MPRIP: variants seen among roughly 807,000 people sequenced by gnomAD.
The protein encoded by MPRIP is myosin phosphatase Rho interacting protein.
Under a neutral mutation model 234.9 loss-of-function variants are expected in MPRIP, and 59 were observed. That is an observed-to-expected ratio of 0.25 (90% CI 0.20 to 0.31). The LOEUF is 0.31. Ranked by LOEUF, MPRIP falls within the 10% of genes least tolerant of loss-of-function variation. The pLI is 1.00. For missense variants in MPRIP, 2,436 were observed against 3,071.0 expected (o/e 0.79, Z 4.89); for synonymous variants, 1,144 against 1,263.9 (o/e 0.91, Z 2.01).
chr17:17,183,293 G>T (rs1427578413), intron 23 of MPRIP: 1 of 152,286 alleles, frequency 6.6e-6, no homozygotes, highest in Non-Finnish European at 1.5e-5. Flanking sequence ...TCTGCTCACT[G>T]CAAGCTCCGC....
intron 16 of MPRIP, chr17:17,170,271 T>C (rs1252635949): frequency 6.7e-6 from 1 of 148,564 alleles, no homozygotes; most frequent in East Asian, 2.0e-4. Context: ...CAGAAGCGAG[T>C]GGGAGGAAGA....
intron 2 of MPRIP, 24 bp downstream of exon 2, chr17:17,075,811 CAG>C: frequency 6.2e-7 from 1 of 1,611,372 alleles, no homozygotes; most frequent in Non-Finnish European, 8.5e-7. Flanking sequence ...AGCCAACTCT[CAG>C]GGAGGAACCA....
intron 8 of MPRIP, among the ~76,000 whole-genome samples, 168 bp downstream of exon 8, chr17:17,142,933 A>G (rs1246174270): frequency 6.6e-6 from 1 of 152,184 alleles, no homozygotes; most frequent in East Asian, 1.9e-4. Flanking sequence ...TGTCTCCTGC[A>G]GCTTCATATC....
intron 3 of MPRIP, among the ~76,000 whole-genome samples, chr17:17,120,677 C>T (rs2090371993): frequency 6.7e-6 from 1 of 149,952 alleles, no homozygotes; most frequent in African/African-American, 2.5e-5. Context: ...CGATGGCCTA[C>T]AGAGGGCCGT....
intron 3 of MPRIP, among the ~76,000 whole-genome samples, chr17:17,099,799 T>G (rs913373784): frequency 6.6e-6 from 1 of 152,174 alleles, no homozygotes; most frequent in Admixed American, 6.5e-5. Context: ...AGAGGAGTGG[T>G]CATATGCAAG....
At position 17,166,708 on chromosome 17, in the gene MPRIP, G is replaced by T; in HGVS notation, c.5117G>T (p.Cys1706Phe). 1 of 1,304,118 alleles carries T rather than the reference G, an allele frequency of 7.7e-7. No homozygotes were observed. Among genetic ancestry groups the T allele is most frequent in the African/African-American group, 1.5e-5 (1 of 65,974 alleles). 80.8% of individuals were successfully genotyped at this position (1,304,118 alleles called of 1,614,324 possible). ...CAGACGGCCCTGCGGCAGCACAAAT[G>T]CCTGCTGAGGGAAATCCTGGGAGCC... ...GTQTALRQHKCLLREILGAYQ... is the reference protein window; with the variant it reads ...GTQTALRQHKFLLREILGAYQ... The change falls in exon 16 of 24, where the codon TGC (cysteine) becomes TTC (phenylalanine). Residue 1706 changes from cysteine (C) to phenylalanine (F), a missense_variant. Transcript: ENST00000651222. This position sits in a 1 kb window ranked among gnomAD's most constrained non-coding sequence, Gnocchi z 4.4.
intron 13 of MPRIP, among the ~76,000 whole-genome samples, chr17:17,156,385 T>G (rs1324281153): frequency 1.3e-5 from 2 of 152,262 alleles, no homozygotes; most frequent in Admixed American, 6.5e-5. Context: ...ATCTGCATAG[T>G]CTGGTAGAGT....
chr17:17,175,560 GA>G, intron 20 of MPRIP, 148 bp downstream of exon 20: 1 of 1,149,008 alleles, frequency 8.7e-7, no homozygotes. Flanking sequence ...CAAATCACCC[GA>G]AGGCGGCGAG....
At chr17:17,064,201 G>GT (rs752475475) in intron 1 of MPRIP, among the ~76,000 whole-genome samples, 2,092 of 144,124 alleles carry the variant, frequency 0.015, 67 homozygotes, top group African/African-American at 0.049. Context: ...GGTTTTTTTT[G>GT]TTTTGTTTTT....
intron 3 of MPRIP, among the ~76,000 whole-genome samples, chr17:17,098,255 G>T (rs1427876136): frequency 6.6e-6 from 1 of 152,170 alleles, no homozygotes; most frequent in African/African-American, 2.4e-5. Flanking sequence ...ACCTGCGCCT[G>T]CCCACTCCAC....
chr17:17,097,488 G>A (rs2144191859), intron 3 of MPRIP, among the ~76,000 whole-genome samples: 2 of 152,160 alleles, frequency 1.3e-5, no homozygotes, highest in African/African-American at 4.8e-5. Context: ...GGGAGACCCT[G>A]TCTCTTAAAA....
chr17:17,180,809 G>T, intron 23 of MPRIP: 1 of 885,092 alleles, frequency 1.1e-6, no homozygotes. Flanking sequence ...ACCTGCTCTG[G>T]GGAGTTAATT....
Position 17,176,406 on chromosome 17 carries a change from T to C in MPRIP, c.6871-20T>C, listed in dbSNP as rs373096714. On this transcript the variant is annotated intron_variant, in intron 20 of 23. Transcript: ENST00000651222. ...TTCTTTGCTCCTGAATATTGGTCCC[T>C]GATCTCTCTGTCATTTTAGGTCTTA... 1.1e-5 allele frequency: 17 copies of C among 1,596,494 alleles called. No homozygotes were observed. The highest frequency in any genetic ancestry group is 1.5e-5 in the Non-Finnish European group (17 of 1,163,984).
intron 3 of MPRIP, among the ~76,000 whole-genome samples, chr17:17,083,987 C>G (rs560388597): frequency 6.6e-6 from 1 of 152,210 alleles, no homozygotes; most frequent in African/African-American, 2.4e-5. Flanking sequence ...GTGATCCGCC[C>G]GCCTCGGCCT....
At chr17:17,172,868 GACCAGGCC>G in intron 18 of MPRIP, 53 bp downstream of exon 18, 2 of 1,497,476 alleles carry the variant, frequency 1.3e-6, no homozygotes, top group Non-Finnish European at 1.8e-6. Context: ...CTGGGGTGCT[GACCAGGCC>G]ACAGCTGGGC....
intron 12 of MPRIP, among the ~76,000 whole-genome samples, chr17:17,151,556 G>C (rs148725358): frequency 5.9e-4 from 90 of 152,316 alleles, no homozygotes; most frequent in African/African-American, 2.1e-3. Context: ...TCCCGCCATG[G>C]TTGGCTACTT....
At chr17:17,155,251 G>A (rs1335547701) in intron 13 of MPRIP, among the ~76,000 whole-genome samples, 4 of 150,460 alleles carry the variant, frequency 2.7e-5, no homozygotes, top group African/African-American at 4.9e-5. Context: ...ACCTAAAAGC[G>A]TGTTCTTTTT....
At chr17:17,161,443 A>C in intron 15 of MPRIP, 87 bp downstream of exon 15, 1 of 914,006 alleles carries the variant, frequency 1.1e-6, no homozygotes, top group Non-Finnish European at 1.5e-6. Context: ...GGAGTGTGCA[A>C]AACTTGGCTG....
chr17:17,063,290 T>C (rs990991153), intron 1 of MPRIP, among the ~76,000 whole-genome samples: 2 of 152,188 alleles, frequency 1.3e-5, no homozygotes, highest in Admixed American at 6.5e-5. Context: ...TATTTGGTCA[T>C]TGGAGCCCAA....
Sources: allele counts gnomAD v4.1 joint callset (sites outside exome capture counted in the v4.1 genomes callset), GRCh38; gene constraint gnomAD v4.1.1; non-coding constraint Gnocchi (gnomAD v3.1); transcripts MANE v1.5; gene names NCBI Gene and HGNC (gene_info 2026-07-23, HGNC 2026-07-21).